The following ARSB variants were observed in gnomAD, a reference collection of about 807,000 sequenced individuals.
ARSB encodes arylsulfatase B, also known as N-acetylgalactosamine-4-sulfatase.
ARSB carries 41 observed loss-of-function variants against 50.9 expected under a neutral mutation model. That is an observed-to-expected ratio of 0.81 (90% confidence interval 0.63 to 1.04). The LOEUF is 1.04. Ranked by LOEUF, ARSB falls within the 50% of genes least tolerant of loss-of-function variation. The pLI is 0.00. For synonymous variants in ARSB, 269 were observed against 284.8 expected, an observed-to-expected ratio of 0.94 and a Z score of 0.56; for missense variants, 672 against 693.3, an observed-to-expected ratio of 0.97 and a Z score of 0.35.
intron 1 of ARSB, among the ~76,000 whole-genome samples, chr5:78,975,587 A>G (rs1320917947): frequency 6.6e-6 from 1 of 152,214 alleles, no homozygotes; most frequent in Non-Finnish European, 1.5e-5. Flanking sequence ...AGGTAAGGAC[A>G]TTCCCAGTTG....
chr5:78,954,504 GA>G (rs951285835), intron 4 of ARSB, among the ~76,000 whole-genome samples: 3 of 151,792 alleles, frequency 2.0e-5, no homozygotes, highest in African/African-American at 7.3e-5. Context: ...TTTACTGTCA[GA>G]AAAAAAATAT....
chr5:78,866,192 G>C (rs1746719856), intron 5 of ARSB, among the ~76,000 whole-genome samples: 1 of 152,164 alleles, frequency 6.6e-6, no homozygotes, highest in African/African-American at 2.4e-5. Flanking sequence ...AGGTTTATTT[G>C]GACTTACAGT....
chr5:78,871,842 T>C lies in ARSB; in HGVS notation c.1142+13742A>G, dbSNP rs957370748. 4.6e-5 allele frequency among the ~76,000 whole-genome samples: 6 copies of C among 130,206 alleles called. 1 individual carries two copies. Among genetic ancestry groups the C allele is most frequent in the Non-Finnish European group, 1.0e-4 (6 of 57,876 alleles). The allele number at this position is 130,206 out of a possible 152,430, so 85.4% of individuals were successfully genotyped here. On this transcript the variant is annotated intron_variant, in intron 5 of 7. Coordinates refer to ENST00000264914, the MANE Select transcript of ARSB (RefSeq NM_000046.5). The stretch of plus-strand genomic sequence containing the variant: ...GGATCTAATTAAACTAAAGAGCTTC[T>C]GCACAGCAAAGGAAACTACCATCAG...
chr5:78,844,143 C>G (rs11954358), intron 5 of ARSB, among the ~76,000 whole-genome samples: 58 of 152,252 alleles, frequency 3.8e-4, no homozygotes, highest in African/African-American at 1.3e-3. Flanking sequence ...TCCAAAGCAG[C>G]TACGCCATTT....
intron 6 of ARSB, among the ~76,000 whole-genome samples, chr5:78,826,416 T>C (rs1237441163): frequency 2.6e-5 from 4 of 152,186 alleles, no homozygotes; most frequent in Non-Finnish European, 4.4e-5. Context: ...TTCTAGATGT[T>C]TGGGTATAGA....
At chr5:78,929,420 C>T (rs1208266063) in intron 4 of ARSB, among the ~76,000 whole-genome samples, 1 of 152,116 alleles carries the variant, frequency 6.6e-6, no homozygotes, top group Admixed American at 6.5e-5. Flanking sequence ...CTGACCCCCT[C>T]TTCACCCACA....
At chr5:78,844,311 A>G (rs904649210) in intron 5 of ARSB, among the ~76,000 whole-genome samples, 1 of 152,106 alleles carries the variant, frequency 6.6e-6, no homozygotes, top group African/African-American at 2.4e-5. Context: ...GCATCTTTTC[A>G]TGTATGTATT....
rs1748824230 is a variant in ARSB at position 78,778,192 on chromosome 5, A to G, written c.*2205T>C. ...GGGATTCGGAGGATGCAGAAGGAAC[A>G]TCTGGGCTCAGCTATTTCATGCTGT... is the stretch of plus-strand genomic sequence containing the variant. On this transcript the variant is annotated 3_prime_UTR_variant, in exon 8 of 8. Transcript: ENST00000264914. 6.6e-6 allele frequency: 1 copy of G among 152,216 alleles called. No individual in the cohort carries two copies. The highest frequency in any genetic ancestry group is 1.9e-4 in the East Asian group (1 of 5,186). 9.4% of individuals were successfully genotyped at this position (152,216 alleles called of 1,614,324 possible). A position where few individuals can be genotyped will look rare whatever the true frequency, so the allele number is the denominator to read the frequency against.
In ARSB at chr5:78,781,991, T is replaced by G. The variant is rs755037325; in HGVS notation, c.1214-17A>C. Reference sequence around the variant, plus strand: ...TCCTGGGACCTGGGAAGAAATAGTTTGAAAGAATTAGATCACTGTTATTGG... The same window carrying G: ...TCCTGGGACCTGGGAAGAAATAGTTGGAAAGAATTAGATCACTGTTATTGG... On this transcript the variant is annotated splice_polypyrimidine_tract_variant and intron_variant, in intron 6 of 7. Transcript: ENST00000264914. 6.2e-7 allele frequency: 1 copy of G among 1,613,936 alleles called. No individual in the cohort carries two copies. Among genetic ancestry groups the G allele is most frequent in the Non-Finnish European group, 8.5e-7 (1 of 1,179,918 alleles).
intron 5 of ARSB, among the ~76,000 whole-genome samples, chr5:78,855,152 C>G (rs1397307742): frequency 1.3e-5 from 2 of 152,170 alleles, no homozygotes; most frequent in South Asian, 2.1e-4. Context: ...CCCTGGGACA[C>G]AGGATACCAT....
At chr5:78,851,647 G>A (rs2112048075) in intron 5 of ARSB, among the ~76,000 whole-genome samples, 1 of 152,270 alleles carries the variant, frequency 6.6e-6, no homozygotes, top group East Asian at 1.9e-4. Flanking sequence ...TCTGTTTAAT[G>A]TTGATAGTGG....
At chr5:78,823,981 G>A (rs13172645) in intron 6 of ARSB, among the ~76,000 whole-genome samples, 35,179 of 152,094 alleles carry the variant, frequency 0.23, 4,455 homozygotes, top group South Asian at 0.35. Context: ...GGAGTGTTTG[G>A]GCCATAGGGG....
rs113492241 is a variant in ARSB, at chr5:78,815,002, T to TAAA, written c.1213+24351_1213+24353dup. Among the ~76,000 whole-genome samples, 825 of 149,816 alleles carry TAAA rather than the reference T, an allele frequency of 5.5e-3. 41 individuals carry two copies. The highest frequency in any genetic ancestry group is 0.019 in the African/African-American group (785 of 40,362). On this transcript the variant is annotated intron_variant, in intron 6 of 7. Transcript: ENST00000264914. ...GTTGAATATATAAGGGCACACAAAG[T>TAAA]AAAAAAAACCCCAAACTAAAACAAC...
chr5:78,889,958 A>G (rs1023598665), intron 4 of ARSB, among the ~76,000 whole-genome samples: 1 of 152,204 alleles, frequency 6.6e-6, no homozygotes, highest in Non-Finnish European at 1.5e-5. Context: ...GCAGCCTCAT[A>G]CCAAGCCTGG....
At chr5:78,841,128 G>A (rs889903621) in intron 5 of ARSB, among the ~76,000 whole-genome samples, 1 of 94,030 alleles carries the variant, frequency 1.1e-5, no homozygotes, top group African/African-American at 4.2e-5. Context: ...CTGAGACCTG[G>A]TCTGTACTAC....
intron 5 of ARSB, among the ~76,000 whole-genome samples, chr5:78,865,001 A>G (rs1199265796): frequency 2.0e-5 from 3 of 152,108 alleles, no homozygotes; most frequent in Non-Finnish European, 4.4e-5. Context: ...GGCTGCTTTC[A>G]TGGGCTGGCA....
At chr5:78,948,874 A>C (rs1751370966) in intron 4 of ARSB, among the ~76,000 whole-genome samples, 1 of 152,214 alleles carries the variant, frequency 6.6e-6, no homozygotes, top group South Asian at 2.1e-4. Flanking sequence ...TTCTGTGTAC[A>C]AAAGAATCAC....
chr5:78,909,735 TG>T (rs1313574872), intron 4 of ARSB, among the ~76,000 whole-genome samples: 2 of 152,172 alleles, frequency 1.3e-5, no homozygotes, highest in Non-Finnish European at 2.9e-5. Context: ...GTCTGAAATA[TG>T]GCCTTGTGGG....
chr5:78,832,053 C>G (rs1364094397), intron 6 of ARSB, among the ~76,000 whole-genome samples: 1 of 151,740 alleles, frequency 6.6e-6, no homozygotes, highest in Non-Finnish European at 1.5e-5. Context: ...TACAATGAAG[C>G]CTTGCTCTCC....
Sources: allele counts gnomAD v4.1 joint callset (sites outside exome capture counted in the v4.1 genomes callset), GRCh38; gene constraint gnomAD v4.1.1; transcripts MANE v1.5; gene names NCBI Gene and HGNC (gene_info 2026-07-23, HGNC 2026-07-21).